STXBP6: variants seen among roughly 807,000 people sequenced by gnomAD.
The protein encoded by STXBP6 is syntaxin binding protein 6.
A neutral mutation model predicts 26.9 loss-of-function variants in STXBP6; 21 were observed. The observed-to-expected ratio is 0.78, with a 90% CI of 0.55 to 1.12. The LOEUF is 1.12. Ranked by LOEUF, STXBP6 falls within the 50% of genes most tolerant of loss-of-function variation. STXBP6 has a pLI of 0.00. For synonymous variants in STXBP6, 97 were observed against 92.6 expected, an observed-to-expected ratio of 1.05 and a Z score of -0.27; for missense variants, 232 against 257.9, an observed-to-expected ratio of 0.90 and a Z score of 0.69.
At position 24,913,811 on chromosome 14, in the gene STXBP6, G is replaced by C. The variant is rs573284273; in HGVS notation, c.155-56654C>G. On this transcript the variant is annotated intron_variant, in intron 2 of 5. Coordinates refer to ENST00000323944, the MANE Select transcript of STXBP6 (RefSeq NM_001394410.1). ...TCTTGGTTCACATTTTACCACCAAGGAAGTGGAAATGGAATAAAGTGGTCC... is the reference window on the plus strand; with the variant it reads ...TCTTGGTTCACATTTTACCACCAAGCAAGTGGAAATGGAATAAAGTGGTCC... Among the ~76,000 whole-genome samples, 4 of 152,282 alleles carry C rather than the reference G, an allele frequency of 2.6e-5. No homozygotes were observed. In the South Asian group the frequency reaches 8.3e-4, roughly 32 times the overall value.
chr14:24,993,684 A>C (rs1001953851), intron 1 of STXBP6, among the ~76,000 whole-genome samples: 2 of 151,838 alleles, frequency 1.3e-5, no homozygotes, highest in African/African-American at 4.8e-5. Context: ...CATTTCCCAG[A>C]CTCTTTTGCA....
intron 1 of STXBP6, among the ~76,000 whole-genome samples, chr14:24,999,697 G>A (rs948186063): frequency 5.3e-5 from 8 of 152,124 alleles, no homozygotes; most frequent in African/African-American, 1.7e-4. Flanking sequence ...ACCCCCAAAA[G>A]ACTTCAGTTT....
At chr14:24,852,913 C>T (rs778971823) in intron 4 of STXBP6, among the ~76,000 whole-genome samples, 33 of 152,196 alleles carry the variant, frequency 2.2e-4, no homozygotes, top group Non-Finnish European at 2.6e-4. Context: ...CTTATCTTTA[C>T]GACTTACTAG....
chr14:24,901,806 G>A (rs377613408), intron 2 of STXBP6, among the ~76,000 whole-genome samples: 61 of 90,608 alleles, frequency 6.7e-4, no homozygotes, highest in African/African-American at 1.9e-3. Flanking sequence ...TTCAAGAACA[G>A]GCATAACTAT....
chr14:25,040,624 TTC>T (rs1372422307), intron 1 of STXBP6, among the ~76,000 whole-genome samples: 1 of 152,182 alleles, frequency 6.6e-6, no homozygotes, highest in Non-Finnish European at 1.5e-5. Flanking sequence ...TGGAGTTGGT[TTC>T]TCTCTGATAA....
intron 2 of STXBP6, among the ~76,000 whole-genome samples, chr14:24,961,239 G>A (rs1360505112): frequency 6.6e-6 from 1 of 152,088 alleles, no homozygotes; most frequent in Admixed American, 6.6e-5. Flanking sequence ...ACAAAGAAGG[G>A]AACAACAGAC....
chr14:24,904,057 A>G (rs930083833), intron 2 of STXBP6, among the ~76,000 whole-genome samples: 1 of 151,980 alleles, frequency 6.6e-6, no homozygotes, highest in African/African-American at 2.4e-5. Flanking sequence ...CAGTCACACA[A>G]CTCAAGGGCT....
chr14:24,928,295 G>A (rs1265799576), intron 2 of STXBP6, among the ~76,000 whole-genome samples: 2 of 152,012 alleles, frequency 1.3e-5, no homozygotes, highest in African/African-American at 4.8e-5. Context: ...GAATATACTG[G>A]GATATAGAAA....
At chr14:24,878,723 A>C (rs1259043888) in intron 2 of STXBP6, 1 of 420,770 alleles carries the variant, frequency 2.4e-6, no homozygotes, top group Non-Finnish European at 4.8e-6. Flanking sequence ...ACACGCTGGG[A>C]TGTTCAACCA....
chr14:25,040,185 G>C lies in STXBP6; in HGVS notation c.-33+9693C>G, dbSNP rs542423917. On this transcript the variant is annotated intron_variant, in intron 1 of 5. Transcript: ENST00000323944. ...TCCTGTGTGAATGGCCTCACTCCCAGCCTGGGGCCATATGAATGAGCCATG... is the reference window on the plus strand; with the variant it reads ...TCCTGTGTGAATGGCCTCACTCCCACCCTGGGGCCATATGAATGAGCCATG... Among the ~76,000 whole-genome samples the C allele has an allele frequency of 1.3e-3, 199 of 152,254 alleles. 1 individual carries two copies. Among genetic ancestry groups the C allele is most frequent in the Middle Eastern group, 3.4e-3 (1 of 294 alleles).
chr14:24,988,863 T>C (rs1306781858), intron 1 of STXBP6, among the ~76,000 whole-genome samples: 1 of 152,176 alleles, frequency 6.6e-6, no homozygotes, highest in African/African-American at 2.4e-5. Context: ...AAAGAGGTAC[T>C]CTTCAAACGT....
At chr14:24,961,504 A>G (rs559439244) in intron 2 of STXBP6, among the ~76,000 whole-genome samples, 3 of 152,226 alleles carry the variant, frequency 2.0e-5, no homozygotes, top group Admixed American at 6.5e-5. Context: ...AAGAATGAAC[A>G]TGGATGGAGG....
Position 24,811,123 on chromosome 14 carries a change from T to C in STXBP6, c.*1586A>G, listed in dbSNP as rs942722922. On this transcript the variant is annotated 3_prime_UTR_variant, in exon 6 of 6. Transcript: ENST00000323944. ...TGAATTGGATCATCTAAAAGGATTC[T>C]GAAATCTGTCTCCGACAAATCTCAT... 3.3e-5 allele frequency: 5 copies of C among 152,184 alleles called. No individual in the cohort carries two copies. Among genetic ancestry groups the C allele is most frequent in the African/African-American group, 1.2e-4 (5 of 41,442 alleles). 9.4% of individuals were successfully genotyped at this position (152,184 alleles called of 1,614,324 possible).
intron 2 of STXBP6, among the ~76,000 whole-genome samples, chr14:24,916,063 T>C (rs532960942): frequency 2.0e-5 from 3 of 152,222 alleles, no homozygotes; most frequent in East Asian, 1.9e-4. Flanking sequence ...CAAATAAATA[T>C]ATGTCTTGGT....
At chr14:24,822,046 C>T (rs1313712176) in intron 4 of STXBP6, among the ~76,000 whole-genome samples, 1 of 152,152 alleles carries the variant, frequency 6.6e-6, no homozygotes, top group Non-Finnish European at 1.5e-5. Flanking sequence ...CCTTATCTTT[C>T]ACTAGGTCAT....
At chr14:24,991,602 GTCAAAA>G (rs1406723248) in intron 1 of STXBP6, among the ~76,000 whole-genome samples, 23 of 152,268 alleles carry the variant, frequency 1.5e-4, no homozygotes, top group African/African-American at 5.1e-4. Context: ...TATAAATCCA[GTCAAAA>G]GACATATTAA....
chr14:24,858,633 T>C (rs996847617), intron 2 of STXBP6, among the ~76,000 whole-genome samples: 16 of 152,140 alleles, frequency 1.1e-4, no homozygotes, highest in Non-Finnish European at 1.5e-4. Flanking sequence ...TTCCCTCTAA[T>C]TGAATTCAGG....
At chr14:24,918,922 C>T (rs1052573233) in intron 2 of STXBP6, among the ~76,000 whole-genome samples, 2 of 152,100 alleles carry the variant, frequency 1.3e-5, no homozygotes, top group East Asian at 3.9e-4. Flanking sequence ...TGCTTCACAA[C>T]TTCAAGGCTG....
intron 2 of STXBP6, among the ~76,000 whole-genome samples, chr14:24,888,446 G>A (rs1183925351): frequency 6.6e-6 from 1 of 152,162 alleles, no homozygotes; most frequent in Non-Finnish European, 1.5e-5. Flanking sequence ...AAAATGGGCT[G>A]GGTGCGGTGG....
Sources: allele counts gnomAD v4.1 joint callset (sites outside exome capture counted in the v4.1 genomes callset), GRCh38; gene constraint gnomAD v4.1.1; transcripts MANE v1.5; gene names NCBI Gene and HGNC (gene_info 2026-07-23, HGNC 2026-07-21).